MPDZ: variants seen among roughly 807,000 people sequenced by gnomAD.
MPDZ encodes multiple PDZ domain protein.
Under a neutral mutation model 239.1 loss-of-function variants are expected in MPDZ, and 234 were observed. The observed-to-expected ratio is 0.98, with a 90% CI of 0.88 to 1.09. The LOEUF is 1.09. Among genes scored for constraint, MPDZ ranks in the 50% least tolerant of loss-of-function variants. MPDZ has a pLI of 0.00. For missense variants in MPDZ, 3,175 were observed against 2,510.0 expected (o/e 1.26, Z -5.66); for synonymous variants, 1,048 against 881.3 (o/e 1.19, Z -3.35).
In MPDZ at chr9:13,157,202, A is replaced by T. The variant is rs566235662; in HGVS notation, c.3452+816T>A. Reference sequence around the variant, plus strand: ...CAAATATTAATGTTTACTGAACACAAAGCATCACATTGTGATGGTGACCTT... The same window carrying T: ...CAAATATTAATGTTTACTGAACACATAGCATCACATTGTGATGGTGACCTT... On this transcript the variant is annotated intron_variant, in intron 24 of 46. Coordinates refer to ENST00000319217, the MANE Select transcript of MPDZ (RefSeq NM_001378778.1). 2.0e-5 allele frequency among the ~76,000 whole-genome samples: 3 copies of T among 152,274 alleles called. No homozygotes were observed. The South Asian group carries it at 6.2e-4, about 32-fold the overall frequency.
chr9:13,121,563 G>A (rs559973778), intron 38 of MPDZ, among the ~76,000 whole-genome samples, 176 bp downstream of exon 38: 1 of 152,274 alleles, frequency 6.6e-6, no homozygotes, highest in African/African-American at 2.4e-5. Context: ...CCAATATTCT[G>A]ATTTTAAAAG....
At chr9:13,196,044 T>G in intron 13 of MPDZ, 77 bp downstream of exon 13, 1 of 880,066 alleles carries the variant, frequency 1.1e-6, no homozygotes, top group Non-Finnish European at 1.7e-6. Flanking sequence ...CTCTAATGAT[T>G]GCCTCTATTA....
chr9:13,226,126 G>A (rs1960512082), intron 3 of MPDZ, among the ~76,000 whole-genome samples: 2 of 151,988 alleles, frequency 1.3e-5, no homozygotes, highest in South Asian at 4.1e-4. Flanking sequence ...CGCCACAGTT[G>A]GTATCAGAAG....
At chr9:13,210,270 T>A (rs1036010641) in intron 10 of MPDZ, among the ~76,000 whole-genome samples, 1 of 152,128 alleles carries the variant, frequency 6.6e-6, no homozygotes. Flanking sequence ...GTGCTTGAGA[T>A]GCTATGATTA....
At chr9:13,159,794 T>C (rs1342048954) in intron 23 of MPDZ, among the ~76,000 whole-genome samples, 1 of 152,136 alleles carries the variant, frequency 6.6e-6, no homozygotes, top group Non-Finnish European at 1.5e-5. Flanking sequence ...TAATCTTGAA[T>C]CCTTTCGCAA....
At chr9:13,154,259 A>T (rs918581461) in intron 24 of MPDZ, among the ~76,000 whole-genome samples, 1 of 152,310 alleles carries the variant, frequency 6.6e-6, no homozygotes, top group African/African-American at 2.4e-5. Flanking sequence ...CAGACAATAG[A>T]AACACAGTGA....
At chr9:13,135,722 A>AAAGTCTCCATGCC (rs963950645) in intron 31 of MPDZ, 2 of 158,086 alleles carry the variant, frequency 1.3e-5, no homozygotes, top group Non-Finnish European at 2.8e-5. Context: ...TGCATTGGCC[A>AAAGTCTCCATGCC]AAGTCTCCAT....
chr9:13,123,415 G>T, intron 35 of MPDZ, 117 bp from the exon 36 acceptor site: 1 of 718,374 alleles, frequency 1.4e-6, no homozygotes, highest in Non-Finnish European at 2.3e-6. Context: ...CCATGACTGT[G>T]GGAAAAGAGA....
In MPDZ at chr9:13,223,561, A is replaced by C. The variant is rs1959503119; in HGVS notation, c.533+10T>G. 6.3e-7 allele frequency: 1 copy of C among 1,599,074 alleles called. No individual in the cohort carries two copies. The highest frequency in any genetic ancestry group is 1.4e-5 in the African/African-American group (1 of 73,966). On this transcript the variant is annotated intron_variant, in intron 5 of 46. Coordinates refer to ENST00000319217, the MANE Select transcript of MPDZ (RefSeq NM_001378778.1). ...GATCAAAAACAAAGAAGACGCCGCG[A>C]CCATCTCACCTATGGGCCACACTGC...
intron 40 of MPDZ, 75 bp downstream of exon 40, chr9:13,115,173 C>A: frequency 7.7e-7 from 1 of 1,292,100 alleles, no homozygotes; most frequent in Non-Finnish European, 1.1e-6. Context: ...TGTACACAGA[C>A]CCACAGTCAG....
At chr9:13,275,491 C>T (rs917268818) in intron 1 of MPDZ, among the ~76,000 whole-genome samples, 18 of 152,184 alleles carry the variant, frequency 1.2e-4, no homozygotes, top group African/African-American at 4.1e-4. Flanking sequence ...CAGCCACCCA[C>T]TCTGTGTTAT....
intron 3 of MPDZ, among the ~76,000 whole-genome samples, chr9:13,231,191 G>C (rs970828573): frequency 6.6e-6 from 1 of 152,094 alleles, no homozygotes; most frequent in South Asian, 2.1e-4. Context: ...AGACTCTACA[G>C]GCATGCAATA....
chr9:13,224,020 C>G (rs1337626890), intron 4 of MPDZ, among the ~76,000 whole-genome samples: 2 of 151,186 alleles, frequency 1.3e-5, no homozygotes, highest in Admixed American at 6.6e-5. Flanking sequence ...GGTGACAGAG[C>G]AAGGCATGTC....
At chr9:13,246,887 GAAGAT>G (rs973301895) in intron 3 of MPDZ, among the ~76,000 whole-genome samples, 1 of 152,154 alleles carries the variant, frequency 6.6e-6, no homozygotes, top group Non-Finnish European at 1.5e-5. Context: ...TTCAAACCTT[GAAGAT>G]AACATTTTTT....
chr9:13,162,172 G>A (rs1446963565), intron 23 of MPDZ, among the ~76,000 whole-genome samples: 3 of 151,876 alleles, frequency 2.0e-5, no homozygotes, highest in African/African-American at 7.3e-5. Flanking sequence ...GCTGAGGTGG[G>A]AGGATTGCAT....
rs1944504990 is a variant in MPDZ, at chr9:13,122,523, C to CTCTTTTTTTTTT, written c.4954-354_4954-353insAAAAAAAAAAGA. Among the ~76,000 whole-genome samples, 3 of 141,162 alleles carry CTCTTTTTTTTTT rather than the reference C, an allele frequency of 2.1e-5. No homozygotes were observed. The South Asian group carries it at 6.9e-4, about 33-fold the overall frequency. The allele number at this position is 141,162 out of a possible 152,430, so 92.6% of individuals were successfully genotyped here. ...CTACAAAGTATCAATTTTTCAAACT[C>CTCTTTTTTTTTT]TTTTTTTTTTTTTTTGAGACGTAGT... On this transcript the variant is annotated intron_variant, in intron 36 of 46. Transcript: ENST00000319217.
At chr9:13,118,787 T>C (rs960993576) in intron 39 of MPDZ, among the ~76,000 whole-genome samples, 1 of 152,206 alleles carries the variant, frequency 6.6e-6, no homozygotes, top group Non-Finnish European at 1.5e-5. Context: ...AAAATGAAAC[T>C]GGTTCTGCCT....
chr9:13,128,955 C>T (rs906604279), intron 32 of MPDZ, among the ~76,000 whole-genome samples: 1 of 152,140 alleles, frequency 6.6e-6, no homozygotes, highest in Non-Finnish European at 1.5e-5. Flanking sequence ...AGTCACAGGA[C>T]CAACTACCCT....
intron 13 of MPDZ, among the ~76,000 whole-genome samples, chr9:13,195,357 C>G (rs777547300): frequency 6.6e-5 from 10 of 152,096 alleles, no homozygotes; most frequent in Non-Finnish European, 1.5e-4. Context: ...AAGAACACTA[C>G]TGCTTGGCAC....
Sources: allele counts gnomAD v4.1 joint callset (sites outside exome capture counted in the v4.1 genomes callset), GRCh38; gene constraint gnomAD v4.1.1; transcripts MANE v1.5; gene names NCBI Gene and HGNC (gene_info 2026-07-23, HGNC 2026-07-21).